MDGA2: variants seen among roughly 807,000 people sequenced by gnomAD.
MDGA2 encodes the protein MAM domain-containing glycosylphosphatidylinositol anchor protein 2.
A neutral mutation model predicts 117.8 loss-of-function variants in MDGA2; 40 were observed. The ratio of observed to expected loss-of-function variants is 0.34; its 90% CI spans 0.26 to 0.44. The LOEUF is 0.44. MDGA2 is among the 20% of genes least tolerant of loss of function. The pLI, the probability that MDGA2 is intolerant of heterozygous loss-of-function variation, is 1.00. For synonymous variants in MDGA2, 452 were observed against 439.0 expected (o/e 1.03, Z -0.37); for missense variants, 1,123 against 1,250.6 (o/e 0.90, Z 1.54).
rs769957466 is a variant in MDGA2 at position 46,874,029 on chromosome 14, G to C, written c.2593+16C>G. The C allele has an allele frequency of 2.0e-6, 3 of 1,521,428 alleles. No individual in the cohort carries two copies. The East Asian group carries it at 7.6e-5, about 38-fold the overall frequency. The allele number at this position is 1,521,428 out of a possible 1,614,324, so 94.2% of individuals were successfully genotyped here. A position where few individuals can be genotyped will look rare whatever the true frequency, so the allele number is the denominator to read the frequency against. ...GTCTCTGATTGCTATGAACACAAAA[G>C]GTCATACCCCCATACCTTCTTTGGA... is the stretch of plus-strand genomic sequence containing the variant. On this transcript the variant is annotated intron_variant, in intron 13 of 16. Transcript: ENST00000399232.
At chr14:46,944,193 T>C (rs553300084) in intron 9 of MDGA2, among the ~76,000 whole-genome samples, 151 of 152,096 alleles carry the variant, frequency 9.9e-4, no homozygotes, top group Admixed American at 2.0e-3. Flanking sequence ...TTTTTCAGAA[T>C]ATATATATTT....
intron 1 of MDGA2, among the ~76,000 whole-genome samples, chr14:47,508,858 T>C (rs1399929610): frequency 6.6e-6 from 1 of 152,054 alleles, no homozygotes. Context: ...TTTTAAATTT[T>C]TTTTTGTATT....
intron 14 of MDGA2, 188 bp downstream of exon 14, chr14:46,873,245 T>C: frequency 4.0e-6 from 2 of 499,538 alleles, no homozygotes; most frequent in Non-Finnish European, 6.9e-6. Context: ...AAATGTCAAA[T>C]TCCAAATCTA....
rs551208189 is a variant in MDGA2, at chr14:47,217,958, G to T, written c.595+63C>A. 3.2e-4 allele frequency: 413 copies of T among 1,309,248 alleles called. No individual in the cohort carries two copies. The African/African-American group carries it at 3.4e-3, about 11-fold the overall frequency. 81.1% of individuals were successfully genotyped at this position (1,309,248 alleles called of 1,614,324 possible). A position where few individuals can be genotyped will look rare whatever the true frequency, so the allele number is the denominator to read the frequency against. The stretch of plus-strand genomic sequence containing the variant: ...CGCTATGGTTTTTCAGAAAACCATA[G>T]ACTTGTAAGACAAAAGAAATCCATA... On this transcript the variant is annotated intron_variant, in intron 3 of 16. Coordinates refer to ENST00000399232, the MANE Select transcript of MDGA2 (RefSeq NM_001113498.3).
chr14:47,439,197 T>C (rs966521793), intron 1 of MDGA2, among the ~76,000 whole-genome samples: 3 of 152,050 alleles, frequency 2.0e-5, no homozygotes, highest in South Asian at 2.1e-4. Flanking sequence ...TTAGTTATGA[T>C]AGAGATATAT....
chr14:47,564,675 GA>G (rs1895882886), intron 1 of MDGA2, among the ~76,000 whole-genome samples: 1 of 152,142 alleles, frequency 6.6e-6, no homozygotes, highest in Admixed American at 6.5e-5. Context: ...CTGTAGTGAG[GA>G]AATTTTCATG....
chr14:46,958,474 T>A (rs4898559), intron 8 of MDGA2, among the ~76,000 whole-genome samples: 1 of 121,266 alleles, frequency 8.2e-6, no homozygotes, highest in Admixed American at 1.0e-4. Flanking sequence ...GATCAAATAA[T>A]TTTTTTCTTT....
chr14:47,050,036 G>C (rs1889401249), intron 7 of MDGA2, among the ~76,000 whole-genome samples: 1 of 151,976 alleles, frequency 6.6e-6, no homozygotes. Flanking sequence ...AATGTGATTT[G>C]AGGTTTCTAA....
At chr14:47,272,108 A>T in intron 2 of MDGA2, among the ~76,000 whole-genome samples, 1 of 152,168 alleles carries the variant, frequency 6.6e-6, no homozygotes. Context: ...GAAATACAAC[A>T]CATTAAGTGT....
intron 7 of MDGA2, among the ~76,000 whole-genome samples, chr14:47,045,349 T>C (rs1419162404): frequency 1.3e-5 from 2 of 152,124 alleles, no homozygotes; most frequent in East Asian, 1.9e-4. Context: ...TTTTTTAGAA[T>C]AATTAAAATA....
At chr14:47,342,280 AT>A (rs201376479) in intron 1 of MDGA2, among the ~76,000 whole-genome samples, 22,644 of 121,666 alleles carry the variant, frequency 0.19, 2,032 homozygotes, top group South Asian at 0.35. Context: ...ATATATATAT[AT>A]AAAATATGTT....
chr14:47,033,148 T>C (rs1446003357), intron 8 of MDGA2, among the ~76,000 whole-genome samples: 1 of 152,204 alleles, frequency 6.6e-6, no homozygotes, highest in Non-Finnish European at 1.5e-5. Flanking sequence ...AATTTTAAAA[T>C]CTTATGCTGA....
intron 2 of MDGA2, among the ~76,000 whole-genome samples, chr14:47,285,132 AC>A (rs35917106): frequency 2.0e-5 from 3 of 152,128 alleles, no homozygotes; most frequent in African/African-American, 7.2e-5. Context: ...CTTACGGATC[AC>A]CCATGCATCC....
intron 1 of MDGA2, among the ~76,000 whole-genome samples, chr14:47,574,984 CT>C (rs1190444986): frequency 6.6e-6 from 1 of 152,090 alleles, no homozygotes; most frequent in Non-Finnish European, 1.5e-5. Flanking sequence ...ATACGTGGGT[CT>C]GTGTGTATAA....
At chr14:47,333,568 AT>A (rs1286240950) in intron 1 of MDGA2, among the ~76,000 whole-genome samples, 1 of 151,820 alleles carries the variant, frequency 6.6e-6, no homozygotes, top group Non-Finnish European at 1.5e-5. Flanking sequence ...TCATAATATT[AT>A]TTTTTGTTAG....
At chr14:47,117,583 A>G (rs1881399829) in intron 5 of MDGA2, among the ~76,000 whole-genome samples, 1 of 152,194 alleles carries the variant, frequency 6.6e-6, no homozygotes. Flanking sequence ...AAAAATAAGC[A>G]AAGTCTGCAA....
At chr14:47,036,192 C>G (rs1345557698) in intron 7 of MDGA2, among the ~76,000 whole-genome samples, 1 of 149,066 alleles carries the variant, frequency 6.7e-6, no homozygotes, top group Non-Finnish European at 1.5e-5. Context: ...ATGGTGTGAA[C>G]CCGGGAGGCG....
chr14:46,892,821 G>A (rs1882932815), intron 10 of MDGA2, among the ~76,000 whole-genome samples: 1 of 151,886 alleles, frequency 6.6e-6, no homozygotes, highest in East Asian at 1.9e-4. Flanking sequence ...TCTTACATCT[G>A]TTGGCATGAC....
At chr14:47,057,808 G>T (rs542739360) in intron 7 of MDGA2, among the ~76,000 whole-genome samples, 73 of 151,968 alleles carry the variant, frequency 4.8e-4, no homozygotes, top group African/African-American at 1.7e-3. Flanking sequence ...AGGTTGAAGT[G>T]AAGTGGTACC....
Sources: gnomAD v4.1 joint callset for allele counts (sites outside exome capture counted in the v4.1 genomes callset) on GRCh38, gnomAD v4.1.1 for gene constraint, MANE v1.5 for transcripts, NCBI Gene and HGNC (gene_info 2026-07-23, HGNC 2026-07-21) for gene names.